The following SCAI variants were observed in gnomAD, a reference collection of about 807,000 sequenced individuals.
The protein encoded by SCAI is suppressor of cancer cell invasion.
SCAI carries 24 observed loss-of-function variants against 92.2 expected under a neutral mutation model. That is an observed-to-expected ratio of 0.26 (90% confidence interval 0.19 to 0.37). The LOEUF (loss-of-function observed/expected upper bound fraction) is 0.37, where lower values mean the gene tolerates loss of function less well. Among genes scored for constraint, SCAI ranks in the 10% least tolerant of loss-of-function variants. The pLI is 1.00. For missense variants in SCAI, 450 were observed against 736.2 expected, an observed-to-expected ratio of 0.61 and a Z score of 4.50; for synonymous variants, 261 against 258.6, an observed-to-expected ratio of 1.01 and a Z score of -0.09.
chr9:124,965,842 A>G (rs566309973), intron 17 of SCAI, among the ~76,000 whole-genome samples: 10 of 152,202 alleles, frequency 6.6e-5, no homozygotes, highest in African/African-American at 1.7e-4. Context: ...TATGGATCCC[A>G]TGGTGTTATG....
intron 9 of SCAI, among the ~76,000 whole-genome samples, chr9:125,014,263 T>C (rs1341201338): frequency 7.2e-5 from 11 of 152,178 alleles, no homozygotes; most frequent in Admixed American, 2.0e-4. Context: ...GACGACATGA[T>C]TGTATATCTA....
intron 17 of SCAI, among the ~76,000 whole-genome samples, chr9:124,961,191 T>A (rs962851390): frequency 1.3e-5 from 2 of 151,570 alleles, no homozygotes; most frequent in Non-Finnish European, 2.9e-5. Flanking sequence ...TCCAGCTATG[T>A]TTGATGCTGA....
At chr9:125,004,475 T>C (rs1388463702) in intron 9 of SCAI, among the ~76,000 whole-genome samples, 1 of 151,202 alleles carries the variant, frequency 6.6e-6, no homozygotes, top group Non-Finnish European at 1.5e-5. Context: ...ATTACAGGCG[T>C]GTGCCAAAAC....
intron 3 of SCAI, among the ~76,000 whole-genome samples, chr9:125,054,314 A>G (rs544477104): frequency 6.6e-6 from 1 of 152,286 alleles, no homozygotes; most frequent in Non-Finnish European, 1.5e-5. Flanking sequence ...ATAGGCACAC[A>G]GATATGTGTT....
chr9:125,014,163 T>C (rs992579777), intron 9 of SCAI, among the ~76,000 whole-genome samples: 7 of 152,182 alleles, frequency 4.6e-5, no homozygotes, highest in Non-Finnish European at 8.8e-5. Flanking sequence ...CAACACAGTG[T>C]TGGAAGTTCT....
chr9:125,076,686 G>A (rs896389314), intron 2 of SCAI, among the ~76,000 whole-genome samples: 16 of 152,064 alleles, frequency 1.1e-4, no homozygotes, highest in African/African-American at 3.9e-4. Flanking sequence ...CCAACATCAT[G>A]GCGAAACACC....
At chr9:125,054,074 G>A (rs1371940513) in intron 3 of SCAI, among the ~76,000 whole-genome samples, 2 of 152,072 alleles carry the variant, frequency 1.3e-5, no homozygotes, top group Admixed American at 6.6e-5. Flanking sequence ...TCCTGGGCTT[G>A]AGCAATCCTC....
chr9:125,125,362 C>A (rs1835239940), intron 2 of SCAI, among the ~76,000 whole-genome samples: 1 of 152,072 alleles, frequency 6.6e-6, no homozygotes, highest in Admixed American at 6.6e-5. Context: ...AACCCTGTCT[C>A]TACTAAAGAT....
chr9:124,978,468 A>G (rs945578102), intron 14 of SCAI, among the ~76,000 whole-genome samples: 1 of 152,220 alleles, frequency 6.6e-6, no homozygotes, highest in Non-Finnish European at 1.5e-5. Flanking sequence ...CTATCAGTTA[A>G]GCAAAATTTC....
chr9:125,070,199 G>T (rs997506823), intron 2 of SCAI, among the ~76,000 whole-genome samples: 6 of 152,244 alleles, frequency 3.9e-5, no homozygotes, highest in Middle Eastern at 6.8e-3. Context: ...GTGTGTATAT[G>T]TGAGGGGTGA....
chr9:124,992,603 T>C (rs1428839506), intron 14 of SCAI, among the ~76,000 whole-genome samples: 3 of 151,914 alleles, frequency 2.0e-5, no homozygotes, highest in African/African-American at 7.2e-5. Context: ...AGGCTGGTTT[T>C]GAACTCCTGA....
At chr9:125,119,926 T>C (rs563762709) in intron 2 of SCAI, among the ~76,000 whole-genome samples, 4 of 152,328 alleles carry the variant, frequency 2.6e-5, no homozygotes, top group African/African-American at 9.6e-5. Context: ...TCCTAGTTGC[T>C]TGGGCTCCTC....
intron 2 of SCAI, among the ~76,000 whole-genome samples, chr9:125,141,868 G>A (rs186957915): frequency 6.6e-6 from 1 of 152,312 alleles, no homozygotes; most frequent in East Asian, 1.9e-4. Flanking sequence ...GATTACAGGA[G>A]AAGATACACA....
intron 9 of SCAI, among the ~76,000 whole-genome samples, chr9:125,013,647 G>A (rs1832686897): frequency 6.6e-6 from 1 of 152,076 alleles, no homozygotes; most frequent in South Asian, 2.1e-4. Flanking sequence ...CCAATCAATA[G>A]AAAAAGAGGG....
At chr9:125,067,855 A>G (rs1833904555) in intron 2 of SCAI, among the ~76,000 whole-genome samples, 2 of 152,210 alleles carry the variant, frequency 1.3e-5, no homozygotes, top group African/African-American at 4.8e-5. Context: ...CAACTGCTCA[A>G]AGATGTGTTT....
rs541879904 is a variant in SCAI, at chr9:124,980,279, T to C, written c.1327-4093A>G. Among the ~76,000 whole-genome samples, 60 of 151,770 alleles carry C rather than the reference T, an allele frequency of 4.0e-4. 1 individual carries two copies. The South Asian group carries it at 6.0e-3, about 15-fold the overall frequency. On this transcript the variant is annotated intron_variant, in intron 14 of 17. Coordinates refer to ENST00000336505, the MANE Select transcript of SCAI (RefSeq NM_001144877.3). The stretch of plus-strand genomic sequence containing the variant: ...TATTTCTAAAGGTCTCCTTTTTCTT[T>C]GCACTCCTTGCTAACGAACTTCTCT...
intron 3 of SCAI, among the ~76,000 whole-genome samples, chr9:125,034,519 C>T (rs926315886): frequency 9.2e-5 from 14 of 151,900 alleles, no homozygotes; most frequent in African/African-American, 2.7e-4. Flanking sequence ...GTAGACAGCT[C>T]GAGCCCAGGA....
intron 14 of SCAI, among the ~76,000 whole-genome samples, chr9:124,994,035 ATT>A (rs34546893): frequency 5.8e-5 from 8 of 139,026 alleles, no homozygotes; most frequent in Non-Finnish European, 6.2e-5. Flanking sequence ...CACTGCTGGC[ATT>A]TTTTTTTTTT....
intron 9 of SCAI, among the ~76,000 whole-genome samples, chr9:125,013,699 T>C (rs1832687766): frequency 6.6e-6 from 1 of 152,160 alleles, no homozygotes; most frequent in Non-Finnish European, 1.5e-5. Context: ...ATCATCCTGA[T>C]ACCAAAGCCG....
Sources: gnomAD v4.1 joint callset for allele counts (sites outside exome capture counted in the v4.1 genomes callset) on GRCh38, gnomAD v4.1.1 for gene constraint, MANE v1.5 for transcripts, NCBI Gene and HGNC (gene_info 2026-07-23, HGNC 2026-07-21) for gene names.